Variants in ACLY observed in about 807,000 individuals in gnomAD.
ACLY encodes ATP-citrate synthase.
ACLY carries 41 observed loss-of-function variants against 133.0 expected under a neutral mutation model. The observed-to-expected ratio is 0.31, with a 90% CI of 0.24 to 0.40. The LOEUF is 0.40. Ranked by LOEUF, ACLY falls within the 10% of genes least tolerant of loss-of-function variation. The pLI, the probability that ACLY is intolerant of heterozygous loss-of-function variation, is 1.00. For synonymous variants in ACLY, 495 were observed against 549.3 expected (o/e 0.90, Z 1.38); for missense variants, 1,046 against 1,453.8 (o/e 0.72, Z 4.56).
upstream of ACLY, among the ~76,000 whole-genome samples, chr17:41,922,631 C>G (rs189890203): frequency 1.5e-3 from 229 of 152,234 alleles, 3 homozygotes; most frequent in African/African-American, 5.3e-3. Flanking sequence ...GATATACTTG[C>G]GTATGTGCAT....
At chr17:41,886,565 G>A (rs1391630398) in intron 17 of ACLY, among the ~76,000 whole-genome samples, 2 of 152,138 alleles carry the variant, frequency 1.3e-5, no homozygotes, top group Non-Finnish European at 2.9e-5. Flanking sequence ...TACTTGGCCC[G>A]GCACAGTGGC....
Position 41,909,691 on chromosome 17 carries a change from A to T in ACLY, c.355T>A (p.Phe119Ile). The change falls in exon 5 of 29, where the codon TTC becomes ATC. Residue 119 changes from phenylalanine to isoleucine, a missense_variant. Around this residue, in one of 4 missense-constraint regions of ACLY, gnomAD observed 227 missense variants for 245.6 expected, o/e 0.92. Coordinates refer to ENST00000352035, the MANE Select transcript of ACLY (RefSeq NM_001096.3). ...CGGGTGGCATAGATGCAGACATAGAACTCCTCAGCCTTGCAGGTGAAGAGA... is the reference window on the plus strand; with the variant it reads ...CGGGTGGCATAGATGCAGACATAGATCTCCTCAGCCTTGCAGGTGAAGAGA... ...PFVPHSQAEE[F>I]YVCIYATREG... 5 of 1,612,992 alleles carry T rather than the reference A, an allele frequency of 3.1e-6. No individual in the cohort carries two copies. The highest frequency in any genetic ancestry group is 3.4e-6 in the Non-Finnish European group (4 of 1,179,578).
At chr17:41,876,011 G>A (rs1483683521) in intron 22 of ACLY, among the ~76,000 whole-genome samples, 4 of 151,458 alleles carry the variant, frequency 2.6e-5, no homozygotes, top group East Asian at 1.9e-4. Flanking sequence ...GCCTCTTCCC[G>A]GCCGCCATCC....
intron 22 of ACLY, among the ~76,000 whole-genome samples, chr17:41,874,596 C>T (rs1213570842): frequency 1.7e-5 from 2 of 118,376 alleles, no homozygotes; most frequent in East Asian, 2.7e-4. Context: ...TTTTTTGAGA[C>T]GCAGTCTTGC....
intron 17 of ACLY, among the ~76,000 whole-genome samples, chr17:41,887,394 C>T (rs782509909): frequency 2.7e-5 from 4 of 150,916 alleles, no homozygotes; most frequent in African/African-American, 4.9e-5. Flanking sequence ...GCCAGGATCG[C>T]GCCATTGCAC....
chr17:41,880,299 A>G (rs1418062404), intron 20 of ACLY, among the ~76,000 whole-genome samples: 4 of 152,162 alleles, frequency 2.6e-5, no homozygotes, highest in African/African-American at 7.2e-5. Flanking sequence ...AACCTAGGCA[A>G]TCTGGCCTCA....
intron 13 of ACLY, among the ~76,000 whole-genome samples, chr17:41,896,992 C>A (rs2049386398): frequency 3.3e-5 from 5 of 152,244 alleles, no homozygotes; most frequent in Admixed American, 3.3e-4. Context: ...CTGGCGCAGT[C>A]CCACCCTCTT....
At chr17:41,892,855 T>C (rs782433532) in intron 15 of ACLY, among the ~76,000 whole-genome samples, 178 bp downstream of exon 15, 2 of 152,084 alleles carry the variant, frequency 1.3e-5, no homozygotes, top group Non-Finnish European at 2.9e-5. Flanking sequence ...TTTTAAATTA[T>C]CTGTAGAGAT....
At position 41,901,735 on chromosome 17, in the gene ACLY, G is replaced by A; in HGVS notation, c.1144C>T (p.Pro382Ser). The part of the protein sequence containing the change: ...EVTIFVRRGG[P>S]NYQEGLRVMG... ...ACCCGTAAGCCCTCCTGATAGTTGGGGCCACCTCTTCGGACAAAGATTGTG... is the reference window on the plus strand; with the variant it reads ...ACCCGTAAGCCCTCCTGATAGTTGGAGCCACCTCTTCGGACAAAGATTGTG... The change falls in exon 11 of 29, where the codon CCC (proline) becomes TCC (serine). Residue 382 changes from proline (P) to serine (S), a missense_variant. By Grantham distance (74) the Pro-to-Ser change is moderately conservative (BLOSUM62 -1). Transcript: ENST00000352035. The A allele has an allele frequency of 6.2e-7, 1 of 1,610,166 alleles. No individual in the cohort carries two copies. The highest frequency in any genetic ancestry group is 8.5e-7 in the Non-Finnish European group (1 of 1,177,766).
At chr17:41,904,525 T>C (rs1418978180) in intron 10 of ACLY, 1 of 585,106 alleles carries the variant, frequency 1.7e-6, no homozygotes, top group Non-Finnish European at 3.1e-6. Context: ...TAGCAGCTGC[T>C]TGCCCAGAGA....
chr17:41,886,360 A>AGATTCCAGACTTC, intron 17 of ACLY, 52 bp from the exon 18 acceptor site: 1 of 1,509,178 alleles, frequency 6.6e-7, no homozygotes, highest in Admixed American at 2.0e-5. Flanking sequence ...CAGATTCACC[A>AGATTCCAGACTTC]CAAAGAATCA....
intron 7 of ACLY, among the ~76,000 whole-genome samples, chr17:41,907,066 C>A (rs1164684979): frequency 6.6e-6 from 1 of 152,164 alleles, no homozygotes; most frequent in Non-Finnish European, 1.5e-5. Context: ...TCCCAGAAAG[C>A]CCAGTCCTGC....
At chr17:41,906,785 C>T in intron 7 of ACLY, 139 bp from the exon 8 acceptor site, 1 of 736,706 alleles carries the variant, frequency 1.4e-6, no homozygotes. Context: ...TACGCAGGGC[C>T]CCACATGCCT....
chr17:41,876,102 CGCCCCGTCTG>C (rs2048742834), intron 22 of ACLY, among the ~76,000 whole-genome samples: 1 of 151,352 alleles, frequency 6.6e-6, no homozygotes, highest in Non-Finnish European at 1.5e-5. Flanking sequence ...GCCTGGCAAC[CGCCCCGTCTG>C]AGAAGTGAGG....
chr17:41,916,378 G>GC (rs2050052259), intron 1 of ACLY, among the ~76,000 whole-genome samples: 1 of 141,170 alleles, frequency 7.1e-6, no homozygotes, highest in Non-Finnish European at 1.6e-5. Flanking sequence ...GTTTTGTTTT[G>GC]TTTTTTTTTT....
At chr17:41,913,584 G>T in intron 2 of ACLY, 131 bp downstream of exon 2, 1 of 962,282 alleles carries the variant, frequency 1.0e-6, no homozygotes, top group East Asian at 2.4e-5. Context: ...TCAGCCCATG[G>T]CATGCTTCCC....
intron 16 of ACLY, 86 bp from the exon 17 acceptor site, chr17:41,887,789 T>G: frequency 1.9e-6 from 2 of 1,041,674 alleles, no homozygotes; most frequent in Non-Finnish European, 3.0e-6. Context: ...CCACCTCCCA[T>G]TCCACATGTC....
intron 10 of ACLY, 179 bp downstream of exon 10, chr17:41,904,550 G>GGGCA (rs1211349011): frequency 3.3e-6 from 2 of 611,046 alleles, no homozygotes; most frequent in African/African-American, 1.8e-5. Flanking sequence ...CAGCGCAGAT[G>GGGCA]GGCAGCTCCT....
chr17:41,889,279 G>A (rs1329173636), intron 16 of ACLY, among the ~76,000 whole-genome samples: 3 of 151,884 alleles, frequency 2.0e-5, no homozygotes, highest in Non-Finnish European at 2.9e-5. Flanking sequence ...AGCACTTTGG[G>A]AGGCCGAGGC....
Sources: gnomAD v4.1 joint callset for allele counts (sites outside exome capture counted in the v4.1 genomes callset) on GRCh38, gnomAD v4.1.1 for gene constraint, gnomAD v4.1.1 regional missense constraint, MANE v1.5 for transcripts, NCBI Gene and HGNC (gene_info 2026-07-23, HGNC 2026-07-21) for gene names.